The following ROBO2 variants were observed in gnomAD, a reference collection of about 807,000 sequenced individuals.
The protein encoded by ROBO2 is roundabout homolog 2.
Under a neutral mutation model 160.8 loss-of-function variants are expected in ROBO2, and 53 were observed. The observed-to-expected ratio is 0.33, with a 90% confidence interval of 0.26 to 0.41. The LOEUF (loss-of-function observed/expected upper bound fraction) is 0.41, where lower values mean the gene tolerates loss of function less well. Among genes scored for constraint, ROBO2 ranks in the 10% least tolerant of loss-of-function variants. ROBO2 has a pLI of 1.00. For missense variants in ROBO2, 1,577 were observed against 1,722.4 expected (o/e 0.92, Z 1.49); for synonymous variants, 664 against 611.7 (o/e 1.09, Z -1.26).
intron 2 of ROBO2, among the ~76,000 whole-genome samples, chr3:76,827,699 C>A (rs2066708174): frequency 6.6e-6 from 1 of 152,084 alleles, no homozygotes; most frequent in African/African-American, 2.4e-5. Flanking sequence ...TAGTGTACAA[C>A]CTCCTCCAAA....
At chr3:76,962,694 C>A (rs1379144019) in intron 2 of ROBO2, among the ~76,000 whole-genome samples, 1 of 148,284 alleles carries the variant, frequency 6.7e-6, no homozygotes, top group African/African-American at 2.5e-5. Context: ...GTGGTACCAA[C>A]TCTTCAGGAG....
chr3:77,501,658 T>C (rs1044350559), intron 5 of ROBO2, among the ~76,000 whole-genome samples: 11 of 152,134 alleles, frequency 7.2e-5, no homozygotes, highest in African/African-American at 2.2e-4. Flanking sequence ...TATAATTCTA[T>C]GTCAATCTCT....
chr3:77,061,301 C>T (rs1327194837), intron 1 of ROBO2, among the ~76,000 whole-genome samples: 2 of 152,086 alleles, frequency 1.3e-5, no homozygotes, highest in Admixed American at 1.3e-4. Context: ...ATTGCAAGGC[C>T]ATTAATTTGG....
intron 22 of ROBO2, among the ~76,000 whole-genome samples, chr3:77,619,940 A>G (rs2094866197): frequency 6.6e-6 from 1 of 152,220 alleles, no homozygotes; most frequent in African/African-American, 2.4e-5. Flanking sequence ...ATTAGCTGTT[A>G]TTAGTTAGAA....
At chr3:75,962,310 T>G (rs1319024720) in intron 2 of ROBO2, among the ~76,000 whole-genome samples, 1 of 151,780 alleles carries the variant, frequency 6.6e-6, no homozygotes, top group Non-Finnish European at 1.5e-5. Flanking sequence ...TCTTTCTGTT[T>G]ATGTCACCAA....
chr3:77,085,695 T>C (rs1346187991), intron 1 of ROBO2, among the ~76,000 whole-genome samples: 1 of 152,136 alleles, frequency 6.6e-6, no homozygotes, highest in Non-Finnish European at 1.5e-5. Flanking sequence ...TATGGCCATT[T>C]CCACCATCCA....
intron 2 of ROBO2, among the ~76,000 whole-genome samples, chr3:77,237,589 A>AATATTACATTGG (rs2088264144): frequency 6.6e-6 from 1 of 152,052 alleles, no homozygotes. Flanking sequence ...AGTGCTGAAT[A>AATATTACATTGG]ATATTACATT....
At chr3:76,062,084 C>T (rs2068086609) in intron 2 of ROBO2, among the ~76,000 whole-genome samples, 1 of 152,206 alleles carries the variant, frequency 6.6e-6, no homozygotes, top group East Asian at 1.9e-4. Context: ...TGGCTAGCAA[C>T]CTTAACTTTC....
intron 2 of ROBO2, among the ~76,000 whole-genome samples, chr3:76,871,880 G>A (rs2072132355): frequency 6.6e-6 from 1 of 152,148 alleles, no homozygotes; most frequent in Admixed American, 6.5e-5. Context: ...GAAGGGCTGT[G>A]GCTGCAGATG....
intron 2 of ROBO2, among the ~76,000 whole-genome samples, chr3:76,832,258 T>G (rs1380086086): frequency 2.6e-5 from 4 of 152,204 alleles, no homozygotes; most frequent in African/African-American, 7.2e-5. Context: ...ATTTAATGTG[T>G]CTCTAAATAA....
chr3:76,143,929 T>G (rs761653247), intron 2 of ROBO2, among the ~76,000 whole-genome samples: 22 of 151,816 alleles, frequency 1.4e-4, no homozygotes, highest in Non-Finnish European at 2.2e-4. Context: ...TCAGAGTCAA[T>G]CAGAGACAAA....
chr3:77,115,283 A>G (rs370570648), intron 2 of ROBO2, among the ~76,000 whole-genome samples: 1 of 152,130 alleles, frequency 6.6e-6, no homozygotes, highest in East Asian at 1.9e-4. Context: ...TAGTTTTTCT[A>G]TTTTTCAAAG....
chr3:76,008,869 C>G (rs2066109047), intron 2 of ROBO2, among the ~76,000 whole-genome samples: 1 of 151,902 alleles, frequency 6.6e-6, no homozygotes, highest in South Asian at 2.1e-4. Context: ...GAAATGAAGA[C>G]CCAAAGAAAC....
intron 2 of ROBO2, among the ~76,000 whole-genome samples, chr3:76,214,175 T>C (rs890080626): frequency 6.6e-6 from 1 of 152,160 alleles, no homozygotes; most frequent in Non-Finnish European, 1.5e-5. Context: ...ATAAAGACAA[T>C]AGCAATGTGA....
rs369947015 is a variant in ROBO2, at chr3:77,180,388, T to TTCTCTC, written c.388+82072_388+82077dup. ...AAATGTTTCTAAACTACCTTTTGAA[T>TTCTCTC]TCTCTCTCTCTCTCTCTCTCTCTCT... On this transcript the variant is annotated intron_variant, in intron 2 of 25. Transcript: ENST00000461745. Among the ~76,000 whole-genome samples, 254 of 99,304 alleles carry TTCTCTC rather than the reference T, an allele frequency of 2.6e-3. 6 individuals carry two copies. Among genetic ancestry groups the TTCTCTC allele is most frequent in the Middle Eastern group, 0.011 (1 of 92 alleles). 65.1% of individuals were successfully genotyped at this position (99,304 alleles called of 152,430 possible).
At chr3:77,289,020 T>G (rs984846610) in intron 2 of ROBO2, among the ~76,000 whole-genome samples, 1 of 152,150 alleles carries the variant, frequency 6.6e-6, no homozygotes, top group Non-Finnish European at 1.5e-5. Flanking sequence ...ATTGGTGAGT[T>G]TTGTTTCTGT....
intron 14 of ROBO2, 74 bp from the exon 16 acceptor site, chr3:77,577,416 C>T (rs2093797494): frequency 2.5e-6 from 4 of 1,595,394 alleles, no homozygotes; most frequent in Non-Finnish European, 2.6e-6. Flanking sequence ...TGTCTTTATA[C>T]TCATATTCTG....
chr3:77,266,680 G>A (rs998493892), intron 2 of ROBO2, among the ~76,000 whole-genome samples: 3 of 152,118 alleles, frequency 2.0e-5, no homozygotes, highest in Non-Finnish European at 4.4e-5. Context: ...TTCTTGCGGT[G>A]TGATCTTGGG....
At chr3:76,561,932 T>C (rs1248947147) in intron 2 of ROBO2, among the ~76,000 whole-genome samples, 2 of 152,168 alleles carry the variant, frequency 1.3e-5, no homozygotes, top group African/African-American at 4.8e-5. Context: ...CAGGACAACA[T>C]GCATCCTTTT....
Sources: gnomAD v4.1 joint callset for allele counts (sites outside exome capture counted in the v4.1 genomes callset) on GRCh38, gnomAD v4.1.1 for gene constraint, MANE v1.5 for transcripts, NCBI Gene and HGNC (gene_info 2026-07-23, HGNC 2026-07-21) for gene names.